BEND4: variants seen among roughly 807,000 people sequenced by gnomAD.
BEND4 encodes the protein BEN domain containing 4.
BEND4 carries 27 observed loss-of-function variants against 54.7 expected under a neutral mutation model. That is an observed-to-expected ratio of 0.49 (90% CI 0.36 to 0.68). The LOEUF (loss-of-function observed/expected upper bound fraction) is 0.68, where lower values mean the gene tolerates loss of function less well. Ranked by LOEUF, BEND4 falls within the 30% of genes least tolerant of loss-of-function variation. The probability of loss-of-function intolerance (pLI) is 0.00; values close to 1 mark genes in which losing one functional copy is unlikely to be tolerated. For missense variants in BEND4, 702 were observed against 697.2 expected (o/e 1.01, Z -0.08); for synonymous variants, 327 against 299.5 (o/e 1.09, Z -0.95).
intron 4 of BEND4, among the ~76,000 whole-genome samples, chr4:42,122,908 C>G (rs1183330479): frequency 6.6e-6 from 1 of 152,242 alleles, no homozygotes; most frequent in East Asian, 1.9e-4. Flanking sequence ...ACCCTGTAAG[C>G]GATGCTTTGC....
Position 42,117,024 on chromosome 4 carries a change from T to C in BEND4, c.*494A>G, listed in dbSNP as rs1719865299. On this transcript the variant is annotated 3_prime_UTR_variant, in exon 6 of 6. Coordinates refer to ENST00000502486, the MANE Select transcript of BEND4 (RefSeq NM_207406.4). Reference sequence around the variant, plus strand: ...TTATTAATGTCAAAATGGTATATGATGTCATCTATCCTATGTCTTTGCCGA... The same window carrying C: ...TTATTAATGTCAAAATGGTATATGACGTCATCTATCCTATGTCTTTGCCGA... 1 of 152,818 alleles carries C rather than the reference T, an allele frequency of 6.5e-6. No homozygotes were observed. Among genetic ancestry groups the C allele is most frequent in the Admixed American group, 6.5e-5 (1 of 15,320 alleles). 9.5% of individuals were successfully genotyped at this position (152,818 alleles called of 1,614,324 possible).
chr4:42,151,613 C>T (rs1482114273), intron 2 of BEND4, 44 bp downstream of exon 2: 18 of 1,429,548 alleles, frequency 1.3e-5, no homozygotes, highest in Non-Finnish European at 1.6e-5. Flanking sequence ...CCTCCCGCTG[C>T]CCCCGGCCGT....
At chr4:42,151,278 C>A (rs533659165) in intron 2 of BEND4, 2 of 182,640 alleles carry the variant, frequency 1.1e-5, no homozygotes, top group Non-Finnish European at 1.1e-5. Flanking sequence ...TGAAGTAGTA[C>A]GAGGGCGTCC....
In BEND4 at chr4:42,152,333, G is replaced by T; in HGVS notation, c.-190C>A. ...GGCATCGCCGAGCCCCCGCGCGGGG[G>T]GCTGCCGCCCGAGCTCCTGATTGAC... On this transcript the variant is annotated 5_prime_UTR_variant, in exon 2 of 6. Transcript: ENST00000502486. 2.6e-6 allele frequency: 1 copy of T among 391,216 alleles called. No individual in the cohort carries two copies. Among genetic ancestry groups the T allele is most frequent in the East Asian group, 4.5e-5 (1 of 22,468 alleles). 24.2% of individuals were successfully genotyped at this position (391,216 alleles called of 1,614,324 possible).
rs763398355 is a variant in BEND4, at chr4:42,117,641, G to C, written c.1482C>G (p.Ala494=). Residue 494 remains alanine, a synonymous_variant, in exon 6 of 6, where the codon GCC becomes GCG. Transcript: ENST00000502486. ...AAGTCCCCACCGCCCGCCCCTGTCG[G>C]GCGTGACCGACAGCGTCGCTGAACA... ...NKVFSDAVGH[A]RQGRAVGTFL... is the part of the protein sequence containing the mutation. 1 of 1,612,370 alleles carries C rather than the reference G, an allele frequency of 6.2e-7. No individual in the cohort carries two copies. The highest frequency in any genetic ancestry group is 8.5e-7 in the Non-Finnish European group (1 of 1,179,216).
intron 2 of BEND4, among the ~76,000 whole-genome samples, chr4:42,150,733 G>A (rs995478449): frequency 1.3e-5 from 2 of 152,242 alleles, no homozygotes; most frequent in African/African-American, 4.8e-5. Flanking sequence ...CTGCAGGCAG[G>A]CAGTGGGCTG....
At chr4:42,123,317 A>G (rs556987428) in intron 4 of BEND4, among the ~76,000 whole-genome samples, 2 of 152,222 alleles carry the variant, frequency 1.3e-5, no homozygotes, top group African/African-American at 4.8e-5. Flanking sequence ...TATTTCCCCT[A>G]TCTTTTCATT....
At chr4:42,125,240 C>T (rs562209958) in intron 4 of BEND4, among the ~76,000 whole-genome samples, 1 of 152,258 alleles carries the variant, frequency 6.6e-6, no homozygotes, top group South Asian at 2.1e-4. Context: ...GTGAGGTGCC[C>T]AGAGTGAGGG....
At chr4:42,130,727 G>A (rs144730161) in intron 3 of BEND4, among the ~76,000 whole-genome samples, 3,994 of 152,158 alleles carry the variant, frequency 0.026, 181 homozygotes, top group African/African-American at 0.091. Context: ...ATACCCAAAG[G>A]AATATAAATC....
In BEND4 at chr4:42,117,562, C is replaced by T. The variant is rs1182983064; in HGVS notation, c.1561G>A (p.Asp521Asn). ...TGGGAACTTTTATTGAAGACTTCAT[C>T]CTGAGAAGCCTGGTGATCGATCCCT... Reference protein sequence around the residue: ...YEGIDHQASQDEVFNKSSQDG... With the variant: ...YEGIDHQASQNEVFNKSSQDG... The change falls in exon 6 of 6, where the codon GAT becomes AAT. Residue 521 changes from aspartate (D) to asparagine (N), a missense_variant. Physicochemically the swap from Asp to Asn is conservative, Grantham distance 23. Transcript: ENST00000502486. 7 of 1,613,022 alleles carry T rather than the reference C, an allele frequency of 4.3e-6. No individual in the cohort carries two copies. Among genetic ancestry groups the T allele is most frequent in the East Asian group, 2.2e-5 (1 of 44,872 alleles).
At chr4:42,128,054 C>T (rs1720352701) in intron 3 of BEND4, among the ~76,000 whole-genome samples, 1 of 152,120 alleles carries the variant, frequency 6.6e-6, no homozygotes, top group Non-Finnish European at 1.5e-5. Flanking sequence ...ATCCCAGCTA[C>T]CCAGAATAAG....
chr4:42,131,499 G>A (rs1720507792), intron 3 of BEND4, among the ~76,000 whole-genome samples: 1 of 152,178 alleles, frequency 6.6e-6, no homozygotes, highest in Non-Finnish European at 1.5e-5. Context: ...TTTGAAAAAT[G>A]TCTACATCAC....
intron 2 of BEND4, among the ~76,000 whole-genome samples, chr4:42,144,958 GA>G (rs1165991680): frequency 1.3e-5 from 2 of 152,146 alleles, no homozygotes; most frequent in African/African-American, 2.4e-5. Flanking sequence ...TAAATACAGA[GA>G]GGGGCACTTT....
intron 4 of BEND4, among the ~76,000 whole-genome samples, chr4:42,124,940 G>A (rs1230272593): frequency 6.6e-6 from 1 of 152,148 alleles, no homozygotes; most frequent in Non-Finnish European, 1.5e-5. Context: ...AGAATCCAAG[G>A]AAGGCTTCTT....
chr4:42,117,805 G>A, intron 5 of BEND4, 70 bp from the exon 6 acceptor site: 1 of 1,049,876 alleles, frequency 9.5e-7, no homozygotes. Flanking sequence ...AAGATGACAG[G>A]GCAGGCTGCT....
chr4:42,116,378 A>G lies in BEND4; in HGVS notation c.*1140T>C, dbSNP rs1217254544. The G allele has an allele frequency of 6.6e-6, 1 of 152,236 alleles. No individual in the cohort carries two copies. Among genetic ancestry groups the G allele is most frequent in the East Asian group, 1.9e-4 (1 of 5,202 alleles). The allele number at this position is 152,236 out of a possible 1,614,324, so 9.4% of individuals were successfully genotyped here. ...TCCAAAGATACCACTAATTTCACAT[A>G]TGGAACTCAACAAATTAACCAGGGG... On this transcript the variant is annotated 3_prime_UTR_variant, in exon 6 of 6. Coordinates refer to ENST00000502486, the MANE Select transcript of BEND4 (RefSeq NM_207406.4).
In BEND4 at chr4:42,112,903, T is replaced by G. The variant is rs1297704455; in HGVS notation, c.*4615A>C. The G allele has an allele frequency of 6.6e-6, 1 of 152,220 alleles. No homozygotes were observed. Among genetic ancestry groups the G allele is most frequent in the Non-Finnish European group, 1.5e-5 (1 of 68,030 alleles). The allele number at this position is 152,220 out of a possible 1,614,324, so 9.4% of individuals were successfully genotyped here. ...GTGCCACTGGCTGACAGTGTAACTT[T>G]GCAGAGGACTACCCATCTGCTGGGT... On this transcript the variant is annotated 3_prime_UTR_variant, in exon 6 of 6. Transcript: ENST00000502486.
intron 3 of BEND4, among the ~76,000 whole-genome samples, chr4:42,128,722 C>T (rs531787280): frequency 6.6e-5 from 10 of 151,286 alleles, no homozygotes; most frequent in Middle Eastern, 3.4e-3. Flanking sequence ...GGCTCATGCC[C>T]GTAATCCCAG....
Position 42,151,779 on chromosome 4 carries a change from G to C in BEND4, c.365C>G (p.Ala122Gly), listed in dbSNP as rs1400413148. 2 of 1,493,276 alleles carry C rather than the reference G, an allele frequency of 1.3e-6. No homozygotes were observed. Among genetic ancestry groups the C allele is most frequent in the African/African-American group, 2.9e-5 (2 of 68,088 alleles). 92.5% of individuals were successfully genotyped at this position (1,493,276 alleles called of 1,614,324 possible). A position where few individuals can be genotyped will look rare whatever the true frequency, so the allele number is the denominator to read the frequency against. ...HLRTPAQPPP[A>G]SPAASSSSSF... is the part of the protein sequence containing the mutation. ...AGACGACGAGGAGGCGGCGGGGGAC[G>C]CGGGCGGCGGCTGCGCCGGAGTCCT... Residue 122 changes from alanine (A) to glycine (G), a missense_variant, in exon 2 of 6, where the codon GCG (alanine) becomes GGG (glycine). Transcript: ENST00000502486.
Sources: gnomAD v4.1 joint callset for allele counts (sites outside exome capture counted in the v4.1 genomes callset) on GRCh38, gnomAD v4.1.1 for gene constraint, MANE v1.5 for transcripts, NCBI Gene and HGNC (gene_info 2026-07-23, HGNC 2026-07-21) for gene names.